ZFHX3: variants seen among roughly 807,000 people sequenced by gnomAD.
ZFHX3 encodes zinc finger homeobox protein 3.
ZFHX3 carries 42 observed loss-of-function variants against 279.1 expected under a neutral mutation model. The observed-to-expected ratio is 0.15, with a 90% confidence interval of 0.12 to 0.19. ZFHX3 has a LOEUF of 0.19. ZFHX3 is among the 10% of genes least tolerant of loss of function. The pLI is 1.00. For missense variants in ZFHX3, 4,981 were observed against 4,754.0 expected, an observed-to-expected ratio of 1.05 and a Z score of -1.40; for synonymous variants, 2,293 against 1,957.8, an observed-to-expected ratio of 1.17 and a Z score of -4.52.
chr16:73,444,645 C>T (rs1230841090), intron 3 of ZFHX3, among the ~76,000 whole-genome samples: 1 of 152,166 alleles, frequency 6.6e-6, no homozygotes, highest in Non-Finnish European at 1.5e-5. Flanking sequence ...CAGGTGAGCA[C>T]ATTTATGTGA....
intron 5 of ZFHX3, among the ~76,000 whole-genome samples, chr16:73,176,642 A>G (rs1379800552): frequency 7.3e-6 from 1 of 136,330 alleles, no homozygotes; most frequent in Non-Finnish European, 1.5e-5. Context: ...ACCTCCATGC[A>G]CTTTGCTAAT....
intron 3 of ZFHX3, among the ~76,000 whole-genome samples, chr16:73,405,420 T>G (rs918397766): frequency 1.3e-5 from 2 of 152,142 alleles, no homozygotes; most frequent in Non-Finnish European, 2.9e-5. Context: ...CCAGATCTAA[T>G]GAGGGGATTT....
intron 2 of ZFHX3, among the ~76,000 whole-genome samples, chr16:73,465,263 T>C (rs772093860): frequency 1.3e-5 from 2 of 152,198 alleles, no homozygotes; most frequent in African/African-American, 2.4e-5. Flanking sequence ...AACATGTTTC[T>C]TTCAGACGCA....
chr16:73,384,604 T>C (rs6564143), intron 3 of ZFHX3, among the ~76,000 whole-genome samples: 148,180 of 152,336 alleles, frequency 0.97, 72,144 homozygotes, highest in Middle Eastern at 0.99. Context: ...GAGTCAGCTG[T>C]AATCAAAGAA....
intron 3 of ZFHX3, among the ~76,000 whole-genome samples, chr16:73,426,049 C>A (rs965487024): frequency 6.6e-6 from 1 of 152,190 alleles, no homozygotes; most frequent in African/African-American, 2.4e-5. Flanking sequence ...ATAGCACTCA[C>A]CCTTGGGCCC....
chr16:73,635,228 G>C (rs1264938216), intron 2 of ZFHX3, among the ~76,000 whole-genome samples: 1 of 152,180 alleles, frequency 6.6e-6, no homozygotes, highest in Non-Finnish European at 1.5e-5. Flanking sequence ...CAAAGGGAAA[G>C]TAAGAAACTC....
chr16:73,112,791 G>GC (rs1966392649), intron 7 of ZFHX3, among the ~76,000 whole-genome samples: 1 of 151,582 alleles, frequency 6.6e-6, no homozygotes, highest in South Asian at 2.1e-4. Flanking sequence ...TTAGTGAAGG[G>GC]CGGAGAGAAG....
At chr16:73,428,270 G>A (rs993602046) in intron 3 of ZFHX3, among the ~76,000 whole-genome samples, 4 of 152,082 alleles carry the variant, frequency 2.6e-5, no homozygotes, top group Admixed American at 2.6e-4. Flanking sequence ...CTCTCCGTCT[G>A]TCTCTCCCAC....
intron 3 of ZFHX3, among the ~76,000 whole-genome samples, chr16:73,436,657 A>G (rs1018889958): frequency 2.0e-5 from 3 of 152,036 alleles, no homozygotes; most frequent in Non-Finnish European, 2.9e-5. Flanking sequence ...AGGGTTATCA[A>G]GAAGCCATGA....
intron 3 of ZFHX3, among the ~76,000 whole-genome samples, chr16:73,337,607 G>C (rs553300101): frequency 6.6e-6 from 1 of 151,956 alleles, no homozygotes; most frequent in Admixed American, 6.6e-5. Flanking sequence ...CACCGTCTTT[G>C]TCTCCATCCC....
Position 72,945,487 on chromosome 16 carries a change from G to A in ZFHX3, c.3216+4982C>T, listed in dbSNP as rs146738567. Among the ~76,000 whole-genome samples the A allele has an allele frequency of 6.2e-4, 95 of 152,192 alleles. 1 individual carries two copies. Among genetic ancestry groups the A allele is most frequent in the African/African-American group, 2.1e-3 (89 of 41,534 alleles). On this transcript the variant is annotated intron_variant, in intron 3 of 9. Transcript: ENST00000268489. ...AACCATCAAGCCACGGAAATGAACCGCAGGCCTCCAGCTGCTCCAGGAGAA... is the reference window on the plus strand; with the variant it reads ...AACCATCAAGCCACGGAAATGAACCACAGGCCTCCAGCTGCTCCAGGAGAA...
intron 4 of ZFHX3, among the ~76,000 whole-genome samples, chr16:73,265,188 T>C (rs1017755131): frequency 6.6e-6 from 1 of 152,104 alleles, no homozygotes; most frequent in Non-Finnish European, 1.5e-5. Context: ...ATTGTGCTGC[T>C]ATAAACACAC....
chr16:73,342,436 G>A (rs2016050105), intron 3 of ZFHX3, among the ~76,000 whole-genome samples: 1 of 152,186 alleles, frequency 6.6e-6, no homozygotes, highest in African/African-American at 2.4e-5. Flanking sequence ...GCCACGAATA[G>A]AAGACTGGTT....
chr16:73,321,462 C>G (rs1443587175), intron 3 of ZFHX3, among the ~76,000 whole-genome samples: 1 of 152,170 alleles, frequency 6.6e-6, no homozygotes, highest in Non-Finnish European at 1.5e-5. Flanking sequence ...AGGGCATGTA[C>G]ATTTTATGAA....
intron 8 of ZFHX3, among the ~76,000 whole-genome samples, chr16:73,074,685 C>T (rs897752471): frequency 6.6e-6 from 1 of 151,916 alleles, no homozygotes; most frequent in East Asian, 1.9e-4. Flanking sequence ...ACATGCTTAA[C>T]CAACGAGGAA....
intron 1 of ZFHX3, among the ~76,000 whole-genome samples, chr16:73,866,593 T>A (rs947206712): frequency 6.6e-6 from 1 of 152,196 alleles, no homozygotes; most frequent in Non-Finnish European, 1.5e-5. Flanking sequence ...CTCTCATTAT[T>A]TACTCCAGGC....
At chr16:73,516,355 G>A (rs1161677764) in intron 2 of ZFHX3, among the ~76,000 whole-genome samples, 2 of 152,136 alleles carry the variant, frequency 1.3e-5, no homozygotes, top group Non-Finnish European at 2.9e-5. Context: ...ATGCATACAC[G>A]TGTATGTTAA....
chr16:73,117,031 T>C (rs1375378374), intron 7 of ZFHX3, among the ~76,000 whole-genome samples: 1 of 152,240 alleles, frequency 6.6e-6, no homozygotes, highest in Non-Finnish European at 1.5e-5. Flanking sequence ...TTGTCTTTAT[T>C]TCCTACAAAG....
intron 6 of ZFHX3, among the ~76,000 whole-genome samples, chr16:73,131,663 A>C (rs529801347): frequency 2.6e-4 from 40 of 152,118 alleles, no homozygotes; most frequent in Non-Finnish European, 4.7e-4. Flanking sequence ...CCTTTACCTG[A>C]TTTTGCCTGG....
Sources: allele counts gnomAD v4.1 joint callset (sites outside exome capture counted in the v4.1 genomes callset), GRCh38; gene constraint gnomAD v4.1.1; transcripts MANE v1.5; gene names NCBI Gene and HGNC (gene_info 2026-07-23, HGNC 2026-07-21).